ARSJ: variants seen among roughly 807,000 people sequenced by gnomAD.
The protein encoded by ARSJ is arylsulfatase J.
In ARSJ, 26 loss-of-function variants were observed where a neutral mutation model predicts 35.9. The ratio of observed to expected loss-of-function variants is 0.72; its 90% CI spans 0.53 to 1.00. The LOEUF is 1.00. Among genes scored for constraint, ARSJ ranks in the 50% least tolerant of loss-of-function variants. The probability of loss-of-function intolerance (pLI) is 0.00; values close to 1 mark genes in which losing one functional copy is unlikely to be tolerated. For missense variants in ARSJ, 667 were observed against 723.6 expected (o/e 0.92, Z 0.90); for synonymous variants, 294 against 267.6 (o/e 1.10, Z -0.96).
intron 1 of ARSJ, among the ~76,000 whole-genome samples, chr4:113,973,500 C>T (rs1394283335): frequency 2.0e-5 from 3 of 152,162 alleles, no homozygotes; most frequent in African/African-American, 7.2e-5. Flanking sequence ...TACTTCTGCA[C>T]ACAAGCACCA....
chr4:113,948,701 A>C (rs1051350790), intron 1 of ARSJ, among the ~76,000 whole-genome samples: 3 of 152,134 alleles, frequency 2.0e-5, no homozygotes, highest in African/African-American at 7.2e-5. Context: ...CATAGCACAT[A>C]TTGGAAAACC....
chr4:113,938,911 A>C (rs1724940853), intron 1 of ARSJ, among the ~76,000 whole-genome samples: 1 of 151,638 alleles, frequency 6.6e-6, no homozygotes, highest in African/African-American at 2.4e-5. Context: ...ATTTTTTATT[A>C]TTTTTAAATT....
At chr4:113,921,118 C>CTT (rs33935079) in intron 1 of ARSJ, among the ~76,000 whole-genome samples, 1 of 27,884 alleles carries the variant, frequency 3.6e-5, no homozygotes, top group Non-Finnish European at 9.7e-5. Flanking sequence ...CACACACACA[C>CTT]TTTAAATAAT....
rs191505255 is a variant in ARSJ, at chr4:113,977,562, C to A, written c.398+875G>T. Among the ~76,000 whole-genome samples the A allele has an allele frequency of 6.8e-4, 103 of 152,330 alleles. 2 individuals carry two copies. The East Asian group carries it at 0.014, about 21-fold the overall frequency. ...TTTCTTCTACCTCTGTCCAGCTTAA[C>A]CCCTGCCCTTCCTAGTTTATCTTCG... On this transcript the variant is annotated intron_variant, in intron 1 of 1. Coordinates refer to ENST00000315366, the MANE Select transcript of ARSJ (RefSeq NM_024590.4).
rs773039894 is a variant in ARSJ at position 113,902,419 on chromosome 4, C to T, written c.1655G>A (p.Gly552Glu). 2 of 1,613,874 alleles carry T rather than the reference C, an allele frequency of 1.2e-6. No homozygotes were observed. The highest frequency in any genetic ancestry group is 8.5e-7 in the Non-Finnish European group (1 of 1,179,954). ...SNPRLNGGVW[G>E]PWYKEETKKK... ...CTTGGTTTCCTCTTTATACCATGGT[C>T]CCCAGACCCCTCCATTGAGCCTAGG... Residue 552 changes from glycine (G) to glutamate (E), a missense_variant, in exon 2 of 2, where the codon GGA (glycine) becomes GAA (glutamate). By Grantham distance (98) the Gly-to-Glu change is moderately conservative. Transcript: ENST00000315366.
intron 1 of ARSJ, among the ~76,000 whole-genome samples, chr4:113,951,754 T>C (rs901501755): frequency 5.9e-5 from 9 of 152,108 alleles, no homozygotes; most frequent in African/African-American, 2.2e-4. Flanking sequence ...TCCTTCAATA[T>C]GTTAGCTATC....
rs758258565 is a variant in ARSJ at position 113,978,775 on chromosome 4, A to G, written c.60T>C (p.Cys20=). The G allele has an allele frequency of 7.4e-6, 12 of 1,614,072 alleles. No homozygotes were observed. In the East Asian group the frequency reaches 2.5e-4, roughly 33 times the overall value. The change falls in exon 1 of 2, where the codon TGT becomes TGC. Residue 20 remains cysteine (C), a synonymous_variant. Coordinates refer to ENST00000315366, the MANE Select transcript of ARSJ (RefSeq NM_024590.4). ...PPPPSPQACV[C]PGKMLAMGAL... ...CCCCCATTGCTAGCATCTTTCCAGG[A>G]CAGACACAGGCCTGTGGAGAAGGCG...
Position 113,911,371 on chromosome 4 carries a change from A to G in ARSJ, c.399-7696T>C, listed in dbSNP as rs559695199. Among the ~76,000 whole-genome samples the G allele has an allele frequency of 7.2e-5, 11 of 152,288 alleles. No homozygotes were observed. The South Asian group carries it at 2.3e-3, about 32-fold the overall frequency. On this transcript the variant is annotated intron_variant, in intron 1 of 1. Coordinates refer to ENST00000315366, the MANE Select transcript of ARSJ (RefSeq NM_024590.4). Reference sequence around the variant, plus strand: ...GTCACAGAATACTTTTGAAAAGAGAATGACACAATCGAAGCTTTGCGTTGG... The same window carrying G: ...GTCACAGAATACTTTTGAAAAGAGAGTGACACAATCGAAGCTTTGCGTTGG...
At position 113,956,855 on chromosome 4, in the gene ARSJ, C is replaced by G. The variant is rs192877636; in HGVS notation, c.398+21582G>C. Among the ~76,000 whole-genome samples the G allele has an allele frequency of 1.1e-3, 169 of 152,046 alleles. 4 individuals carry two copies. In the South Asian group the frequency reaches 0.015, roughly 13 times the overall value. Reference sequence around the variant, plus strand: ...GGTTTGAGAGGGGTCTTTGATGACACGACGAGATGTAGTGACTTTGCAGGC... The same window carrying G: ...GGTTTGAGAGGGGTCTTTGATGACAGGACGAGATGTAGTGACTTTGCAGGC... On this transcript the variant is annotated intron_variant, in intron 1 of 1. Coordinates refer to ENST00000315366, the MANE Select transcript of ARSJ (RefSeq NM_024590.4).
chr4:113,929,993 T>C (rs892768887), intron 1 of ARSJ, among the ~76,000 whole-genome samples: 9 of 152,244 alleles, frequency 5.9e-5, no homozygotes, highest in African/African-American at 1.7e-4. Context: ...GTGTTCTCTA[T>C]GCTATTAGAA....
chr4:113,960,456 T>C (rs966961584), intron 1 of ARSJ, among the ~76,000 whole-genome samples: 19 of 152,098 alleles, frequency 1.2e-4, no homozygotes, highest in Non-Finnish European at 2.1e-4. Flanking sequence ...AAGTATTTCA[T>C]TTTCATCTCC....
chr4:113,910,408 A>G (rs995914974), intron 1 of ARSJ, among the ~76,000 whole-genome samples: 4 of 152,228 alleles, frequency 2.6e-5, no homozygotes, highest in Admixed American at 2.0e-4. Context: ...TGCAGACTTT[A>G]AAGTCCAGAA....
intron 1 of ARSJ, among the ~76,000 whole-genome samples, chr4:113,955,290 C>G (rs372847831): frequency 2.6e-5 from 4 of 151,858 alleles, no homozygotes; most frequent in African/African-American, 9.7e-5. Flanking sequence ...TTCTCCTCAC[C>G]CCAAATTCTA....
intron 1 of ARSJ, 144 bp from the exon 2 acceptor site, chr4:113,903,819 A>C: frequency 3.4e-6 from 4 of 1,174,640 alleles, no homozygotes; most frequent in Non-Finnish European, 4.7e-6. Flanking sequence ...CCAATTCAGC[A>C]TTTCTGCTCT....
chr4:113,918,481 T>C (rs1723459574), intron 1 of ARSJ, among the ~76,000 whole-genome samples: 1 of 152,158 alleles, frequency 6.6e-6, no homozygotes, highest in Non-Finnish European at 1.5e-5. Context: ...GTAACTCAGA[T>C]AAGCAAAAGC....
At chr4:113,950,726 A>C (rs915911364) in intron 1 of ARSJ, among the ~76,000 whole-genome samples, 5 of 152,108 alleles carry the variant, frequency 3.3e-5, no homozygotes, top group African/African-American at 1.2e-4. Context: ...CTTATGCTAA[A>C]GTGACTGTAT....
At position 113,901,421 on chromosome 4, in the gene ARSJ, T is replaced by C. The variant is rs1414833404; in HGVS notation, c.*853A>G. On this transcript the variant is annotated 3_prime_UTR_variant, in exon 2 of 2. Transcript: ENST00000315366. ...CATTAATTTATAGTATTACAGTGCTTGGTAATTTGAAGAAATGAAATAAAA... is the reference window on the plus strand; with the variant it reads ...CATTAATTTATAGTATTACAGTGCTCGGTAATTTGAAGAAATGAAATAAAA... 6.6e-6 allele frequency: 1 copy of C among 152,156 alleles called. No individual in the cohort carries two copies. The highest frequency in any genetic ancestry group is 1.5e-5 in the Non-Finnish European group (1 of 68,018). The allele number at this position is 152,156 out of a possible 1,614,324, so 9.4% of individuals were successfully genotyped here.
intron 1 of ARSJ, among the ~76,000 whole-genome samples, chr4:113,914,125 C>G (rs1723124275): frequency 6.6e-6 from 1 of 151,990 alleles, no homozygotes. Flanking sequence ...AGGCACCCAC[C>G]ACCACGCCCA....
chr4:113,926,272 G>A (rs903048358), intron 1 of ARSJ, among the ~76,000 whole-genome samples: 5 of 152,022 alleles, frequency 3.3e-5, no homozygotes, highest in African/African-American at 1.2e-4. Flanking sequence ...CAAACCTTTG[G>A]CTACAGCCCA....
Sources: allele counts gnomAD v4.1 joint callset (sites outside exome capture counted in the v4.1 genomes callset), GRCh38; gene constraint gnomAD v4.1.1; transcripts MANE v1.5; gene names NCBI Gene and HGNC (gene_info 2026-07-23, HGNC 2026-07-21).